The following ANKS1B variants were observed in gnomAD, a reference collection of about 807,000 sequenced individuals.
ANKS1B encodes the protein ankyrin repeat and sterile alpha motif domain containing 1B.
In ANKS1B, 36 loss-of-function variants were observed where a neutral mutation model predicts 148.3. The observed-to-expected ratio is 0.24, with a 90% CI of 0.19 to 0.32. The LOEUF (loss-of-function observed/expected upper bound fraction) is 0.32, where lower values mean the gene tolerates loss of function less well. Ranked by LOEUF, ANKS1B falls within the 10% of genes least tolerant of loss-of-function variation. The pLI, the probability that ANKS1B is intolerant of heterozygous loss-of-function variation, is 1.00. For missense variants in ANKS1B, 1,157 were observed against 1,542.6 expected, an observed-to-expected ratio of 0.75 and a Z score of 4.19; for synonymous variants, 542 against 560.8, an observed-to-expected ratio of 0.97 and a Z score of 0.47.
intron 5 of ANKS1B, among the ~76,000 whole-genome samples, chr12:99,780,861 C>G (rs1395223734): frequency 2.6e-5 from 4 of 152,104 alleles, no homozygotes; most frequent in Admixed American, 2.6e-4. Flanking sequence ...GTCAAATACT[C>G]TATGATATTT....
intron 15 of ANKS1B, among the ~76,000 whole-genome samples, chr12:99,134,641 TCTCTCACACACACACACA>T (rs1290484691): frequency 1.2e-5 from 1 of 81,700 alleles, no homozygotes; most frequent in Non-Finnish European, 2.3e-5. Context: ...TCTCTCTCTC[TCTCTCACACACACACACA>T]CACACACACA....
At chr12:99,322,385 A>G (rs1328475139) in intron 12 of ANKS1B, among the ~76,000 whole-genome samples, 2 of 151,804 alleles carry the variant, frequency 1.3e-5, no homozygotes, top group Non-Finnish European at 2.9e-5. Context: ...TGAACTTAGA[A>G]GATGGGTCAA....
chr12:99,551,122 A>C (rs914927087), intron 9 of ANKS1B, among the ~76,000 whole-genome samples: 2 of 152,204 alleles, frequency 1.3e-5, no homozygotes, highest in African/African-American at 4.8e-5. Flanking sequence ...TATGGAATCA[A>C]GAAATTGTGA....
chr12:99,382,443 G>A (rs1457850656), intron 12 of ANKS1B, among the ~76,000 whole-genome samples: 6 of 152,006 alleles, frequency 3.9e-5, no homozygotes, highest in African/African-American at 1.4e-4. Flanking sequence ...TGGCTCACAC[G>A]TGTAATCCCA....
chr12:99,138,242 T>C (rs2068816319), intron 15 of ANKS1B, among the ~76,000 whole-genome samples: 1 of 152,198 alleles, frequency 6.6e-6, no homozygotes, highest in African/African-American at 2.4e-5. Flanking sequence ...GTGAGGATTA[T>C]TGCTTTAGCT....
intron 22 of ANKS1B, among the ~76,000 whole-genome samples, chr12:98,789,235 C>T (rs545033201): frequency 6.6e-6 from 1 of 152,104 alleles, no homozygotes; most frequent in African/African-American, 2.4e-5. Flanking sequence ...CCCAGCTACT[C>T]GGGAGGCTGA....
intron 17 of ANKS1B, among the ~76,000 whole-genome samples, chr12:98,896,791 C>G (rs778729834): frequency 2.0e-5 from 3 of 152,168 alleles, no homozygotes; most frequent in African/African-American, 4.8e-5. Flanking sequence ...GGAAGTGAGG[C>G]TATTTAGTTC....
At chr12:99,428,163 C>G (rs1408593383) in intron 11 of ANKS1B, among the ~76,000 whole-genome samples, 1 of 152,110 alleles carries the variant, frequency 6.6e-6, no homozygotes, top group African/African-American at 2.4e-5. Context: ...TGTAGGGTAT[C>G]CTCCTACTGG....
intron 8 of ANKS1B, among the ~76,000 whole-genome samples, chr12:99,659,508 A>T (rs2098465650): frequency 1.3e-5 from 2 of 152,308 alleles, no homozygotes. Context: ...TTGCAAATTG[A>T]AAAACAGTCA....
At chr12:99,338,743 A>C (rs1015943876) in intron 12 of ANKS1B, among the ~76,000 whole-genome samples, 3 of 152,136 alleles carry the variant, frequency 2.0e-5, no homozygotes, top group African/African-American at 7.2e-5. Flanking sequence ...GCAGGTGATG[A>C]ATCTTGCCTG....
At chr12:99,837,981 T>C (rs1215535437) in intron 1 of ANKS1B, among the ~76,000 whole-genome samples, 1 of 152,086 alleles carries the variant, frequency 6.6e-6, no homozygotes, top group Non-Finnish European at 1.5e-5. Flanking sequence ...CCATCCTCTA[T>C]GTCCATGTGT....
chr12:98,745,115 CCAAT>C lies in ANKS1B; in HGVS notation c.*620_*623del. The stretch of plus-strand genomic sequence containing the variant: ...CTTTGAATCATTCTTTCCTTTTGAA[CCAAT>C]CATTTGGTTGAAAGGTTTTCTTTCT... On this transcript the variant is annotated 3_prime_UTR_variant, in exon 27 of 27. Transcript: ENST00000683438. The C allele has an allele frequency of 2.0e-6, 2 of 985,814 alleles. No individual in the cohort carries two copies. Among genetic ancestry groups the C allele is most frequent in the Non-Finnish European group, 2.4e-6 (2 of 829,938 alleles). 61.1% of individuals were successfully genotyped at this position (985,814 alleles called of 1,614,324 possible).
At chr12:99,690,407 G>A (rs12810314) in intron 8 of ANKS1B, among the ~76,000 whole-genome samples, 18,601 of 152,088 alleles carry the variant, frequency 0.12, 1,762 homozygotes, top group East Asian at 0.46. Context: ...AAAGTCCACA[G>A]TCCAAAGTCT....
intron 15 of ANKS1B, among the ~76,000 whole-genome samples, chr12:99,117,671 G>A (rs527389947): frequency 6.6e-6 from 1 of 152,268 alleles, no homozygotes; most frequent in African/African-American, 2.4e-5. Context: ...TTCTTGTTGG[G>A]TCTCTGCCAG....
chr12:99,959,974 G>C (rs2153830640), intron 1 of ANKS1B, among the ~76,000 whole-genome samples: 1 of 152,230 alleles, frequency 6.6e-6, no homozygotes, highest in East Asian at 1.9e-4. Context: ...GGAGAGACTA[G>C]ATAAGCAGGG....
chr12:98,971,509 G>A (rs1405474072), intron 17 of ANKS1B, among the ~76,000 whole-genome samples: 3 of 152,074 alleles, frequency 2.0e-5, no homozygotes, highest in Non-Finnish European at 2.9e-5. Flanking sequence ...GGGTGAAGAC[G>A]GCATAATCTG....
At chr12:99,127,139 T>C (rs1600580213) in intron 15 of ANKS1B, among the ~76,000 whole-genome samples, 1 of 152,128 alleles carries the variant, frequency 6.6e-6, no homozygotes, top group East Asian at 1.9e-4. Flanking sequence ...ACAGGCAAAC[T>C]CCCACCTCAG....
At chr12:99,170,985 T>A (rs2077693852) in intron 14 of ANKS1B, among the ~76,000 whole-genome samples, 1 of 152,222 alleles carries the variant, frequency 6.6e-6, no homozygotes, top group South Asian at 2.1e-4. Flanking sequence ...AAAAAGCACA[T>A]AATTTCTTAA....
chr12:99,432,110 A>G (rs1285649695), intron 11 of ANKS1B, among the ~76,000 whole-genome samples: 1 of 152,198 alleles, frequency 6.6e-6, no homozygotes, highest in Non-Finnish European at 1.5e-5. Context: ...ACCTTCTGCC[A>G]TGTTGTGATG....
Sources: allele counts gnomAD v4.1 joint callset (sites outside exome capture counted in the v4.1 genomes callset), GRCh38; gene constraint gnomAD v4.1.1; transcripts MANE v1.5; gene names NCBI Gene and HGNC (gene_info 2026-07-23, HGNC 2026-07-21).